Variants in ACOT9 observed in about 807,000 individuals in gnomAD.
The protein encoded by ACOT9 is acyl-CoA thioesterase 9, also known as acyl-coenzyme A thioesterase 9, mitochondrial.
A neutral mutation model predicts 39.7 loss-of-function variants in ACOT9; 34 were observed. The ratio of observed to expected loss-of-function variants is 0.86; its 90% CI spans 0.65 to 1.14. The LOEUF is 1.14. ACOT9 is among the 50% of genes most tolerant of loss of function. The probability of loss-of-function intolerance (pLI) is 0.00; values close to 1 mark genes in which losing one functional copy is unlikely to be tolerated. For synonymous variants in ACOT9, 110 were observed against 120.5 expected (o/e 0.91, Z 0.57); for missense variants, 313 against 344.1 (o/e 0.91, Z 0.71).
chrX:23,730,521 C>T lies in ACOT9; in HGVS notation c.400+6G>A, dbSNP rs548540102. On this transcript the variant is annotated splice_donor_region_variant and intron_variant, in intron 6 of 15. Coordinates refer to ENST00000379303, the MANE Select transcript of ACOT9 (RefSeq NM_001037171.2). ...TCTATTAGAAAGACTAAAATAATAC[C>T]AGTACCTCCCAAGCTGTCAAGATCC... 25 of 1,196,472 alleles carry T rather than the reference C, an allele frequency of 2.1e-5. 1 individual carries two copies. In the South Asian group the frequency reaches 3.0e-4, roughly 14 times the overall value.
At position 23,703,598 on chromosome X, in the gene ACOT9, A is replaced by G. The variant is rs768843183; in HGVS notation, c.*296T>C. ...CTCCCAAAGTGCTGGGATTATAGGC[A>G]TGAGCCACCACGCCCAGCCTCTCAA... On this transcript the variant is annotated 3_prime_UTR_variant, in exon 16 of 16. Coordinates refer to ENST00000379303, the MANE Select transcript of ACOT9 (RefSeq NM_001037171.2). The G allele has an allele frequency of 9.9e-4, 200 of 202,755 alleles. No homozygotes were observed. The highest frequency in any genetic ancestry group is 3.5e-3 in the Middle Eastern group (2 of 565). 16.7% of individuals were successfully genotyped at this position (202,755 alleles called of 1,213,427 possible). A position where few individuals can be genotyped will look rare whatever the true frequency, so the allele number is the denominator to read the frequency against.
intron 8 of ACOT9, among the ~76,000 whole-genome samples, chrX:23,721,408 T>A (rs1042459441): frequency 6.3e-5 from 7 of 111,115 alleles, no homozygotes; most frequent in African/African-American, 2.0e-4. Context: ...TCTATTTTTT[T>A]AAAAAAATGG....
Position 23,722,663 on chromosome X carries a change from C to T in ACOT9, c.484+7G>A. 8.8e-7 allele frequency: 1 copy of T among 1,138,140 alleles called. No homozygotes were observed. 93.8% of individuals were successfully genotyped at this position (1,138,140 alleles called of 1,213,427 possible). A position where few individuals can be genotyped will look rare whatever the true frequency, so the allele number is the denominator to read the frequency against. ...TCTAAGTATGCATAGAAAATGATAT[C>T]ACTTACCAATCTTATCCACCAGGGC... On this transcript the variant is annotated splice_region_variant and intron_variant, in intron 7 of 15. Transcript: ENST00000379303.
chrX:23,728,854 G>C (rs1929625943), intron 6 of ACOT9, among the ~76,000 whole-genome samples: 1 of 111,715 alleles, frequency 9.0e-6, no homozygotes, highest in African/African-American at 3.3e-5. Flanking sequence ...TATTGTGCCA[G>C]AAAGTGAGAA....
intron 8 of ACOT9, among the ~76,000 whole-genome samples, chrX:23,717,981 G>C (rs1028515583): frequency 9.1e-6 from 1 of 109,527 alleles, no homozygotes; most frequent in African/African-American, 3.3e-5. Context: ...TCAGCTACTA[G>C]GGAGGCTGAG....
rs1374400153 is a variant in ACOT9 at position 23,743,183 on chromosome X, C to A, written c.-39G>T. On this transcript the variant is annotated 5_prime_UTR_variant, in exon 1 of 16. Coordinates refer to ENST00000379303, the MANE Select transcript of ACOT9 (RefSeq NM_001037171.2). ...CGTGCGCGCGATGGAGAACCGGGCC[C>A]CGCGCGCTAGTCGGCGGAGGGAAAC... 2 of 1,146,995 alleles carry A rather than the reference C, an allele frequency of 1.7e-6. No homozygotes were observed. The highest frequency in any genetic ancestry group is 5.4e-5 in the Admixed American group (2 of 37,256). The allele number at this position is 1,146,995 out of a possible 1,213,427, so 94.5% of individuals were successfully genotyped here.
At chrX:23,716,642 G>A (rs759284465) in intron 8 of ACOT9, among the ~76,000 whole-genome samples, 37 of 111,828 alleles carry the variant, frequency 3.3e-4, no homozygotes, top group Non-Finnish European at 9.4e-5. Context: ...GGAAAGGTAG[G>A]CTGGGGCTAG....
chrX:23,706,885 G>A (rs1928712254), intron 10 of ACOT9, 146 bp from the exon 11 acceptor site: 2 of 412,843 alleles, frequency 4.8e-6, no homozygotes, highest in Non-Finnish European at 8.5e-6. Context: ...AACTCCCAGT[G>A]AGTCTTTGGT....
intron 8 of ACOT9, among the ~76,000 whole-genome samples, chrX:23,717,047 A>T (rs778154302): frequency 9.9e-5 from 11 of 111,153 alleles, no homozygotes; most frequent in Non-Finnish European, 2.1e-4. Flanking sequence ...TAGAGATGGG[A>T]TATTTCACCA....
At chrX:23,742,662 C>G (rs1376391119) in intron 1 of ACOT9, among the ~76,000 whole-genome samples, 1 of 111,646 alleles carries the variant, frequency 9.0e-6, no homozygotes, top group African/African-American at 3.3e-5. Flanking sequence ...ACCCTGTAAT[C>G]TCTGCCAATG....
chrX:23,719,938 G>A (rs888242320), intron 8 of ACOT9, among the ~76,000 whole-genome samples: 8 of 110,897 alleles, frequency 7.2e-5, no homozygotes, highest in Admixed American at 2.9e-4. Context: ...CTGGGTTCAC[G>A]CCATTCTCCT....
chrX:23,738,378 G>T (rs1005479271), intron 1 of ACOT9, among the ~76,000 whole-genome samples: 1 of 108,221 alleles, frequency 9.2e-6, no homozygotes, highest in Non-Finnish European at 1.9e-5. Context: ...GGAGGCTGAG[G>T]TGGGTAGATC....
intron 8 of ACOT9, among the ~76,000 whole-genome samples, chrX:23,720,580 G>A (rs1006918159): frequency 2.7e-5 from 3 of 111,461 alleles, no homozygotes; most frequent in Non-Finnish European, 5.6e-5. Flanking sequence ...GCCAAGGAAC[G>A]CTAGGGATTG....
At chrX:23,705,715 A>G (rs1928653685) in intron 12 of ACOT9, 53 bp downstream of exon 12, 7 of 1,142,329 alleles carry the variant, frequency 6.1e-6, no homozygotes, top group South Asian at 3.6e-5. Context: ...AATCTTGGAC[A>G]AATATCATGA....
chrX:23,721,808 T>C lies in ACOT9; in HGVS notation c.588+73A>G, dbSNP rs1929328324. 3 of 882,121 alleles carry C rather than the reference T, an allele frequency of 3.4e-6. No individual in the cohort carries two copies. The Admixed American group carries it at 7.3e-5, about 21-fold the overall frequency. The allele number at this position is 882,121 out of a possible 1,213,427, so 72.7% of individuals were successfully genotyped here. Reference sequence around the variant, plus strand: ...ACATACCTGTCTACAGATACATAGGTAAATAAGCTTTTCTTGCATGGAGAC... The same window carrying C: ...ACATACCTGTCTACAGATACATAGGCAAATAAGCTTTTCTTGCATGGAGAC... On this transcript the variant is annotated intron_variant, in intron 8 of 15. Transcript: ENST00000379303.
chrX:23,728,405 T>C (rs1351180789), intron 6 of ACOT9, among the ~76,000 whole-genome samples: 1 of 110,186 alleles, frequency 9.1e-6, no homozygotes, highest in Non-Finnish European at 1.9e-5. Flanking sequence ...CCATGATGCA[T>C]GAGGGGTGGC....
At chrX:23,741,356 A>G (rs1430546219) in intron 1 of ACOT9, among the ~76,000 whole-genome samples, 1 of 107,580 alleles carries the variant, frequency 9.3e-6, no homozygotes, top group Non-Finnish European at 1.9e-5. Context: ...TTCAAAGAGA[A>G]AAAAAAAAAA....
chrX:23,736,281 A>C (rs1202113826), intron 1 of ACOT9, among the ~76,000 whole-genome samples: 1 of 112,446 alleles, frequency 8.9e-6, no homozygotes, highest in Non-Finnish European at 1.9e-5. Context: ...ACTAGGTTTA[A>C]TGCATTTATT....
intron 1 of ACOT9, among the ~76,000 whole-genome samples, chrX:23,737,826 G>A (rs1340081751): frequency 1.8e-5 from 2 of 108,722 alleles, no homozygotes; most frequent in African/African-American, 3.4e-5. Flanking sequence ...ACTTTTTCAC[G>A]ATAAATATTC....
Sources: gnomAD v4.1 joint callset for allele counts (sites outside exome capture counted in the v4.1 genomes callset) on GRCh38, gnomAD v4.1.1 for gene constraint, MANE v1.5 for transcripts, NCBI Gene and HGNC (gene_info 2026-07-23, HGNC 2026-07-21) for gene names.